Variants in CCDC77 observed in about 807,000 individuals in gnomAD.
The protein encoded by CCDC77 is coiled-coil domain containing 77, also known as coiled-coil domain-containing protein 77.
CCDC77 carries 56 observed loss-of-function variants against 66.8 expected under a neutral mutation model. The ratio of observed to expected loss-of-function variants is 0.84; its 90% CI spans 0.68 to 1.05. The LOEUF (loss-of-function observed/expected upper bound fraction) is 1.05. CCDC77 is among the 50% of genes least tolerant of loss of function. CCDC77 has a pLI of 0.00. For missense variants in CCDC77, 570 were observed against 576.8 expected (o/e 0.99, Z 0.12); for synonymous variants, 196 against 195.2 (o/e 1.00, Z -0.03).
In CCDC77 at chr12:411,854, T is replaced by C. The variant is rs535623107; in HGVS notation, c.146T>C (p.Leu49Pro). 6.2e-7 allele frequency: 1 copy of C among 1,614,060 alleles called. No homozygotes were observed. Among genetic ancestry groups the C allele is most frequent in the African/African-American group, 1.3e-5 (1 of 74,992 alleles). Residue 49 changes from leucine (L) to proline (P), a missense_variant, in exon 4 of 13, where the codon CTG (leucine) becomes CCG (proline). Leu to Pro is a moderately conservative substitution (Grantham distance 98). Coordinates refer to ENST00000239830, the MANE Select transcript of CCDC77 (RefSeq NM_032358.4). The stretch of plus-strand genomic sequence containing the variant: ...CCCTTGCCTTCCCCCGAAGATCGTC[T>C]GGCCAAACTCCATCCTTCTAAGGAG... ...STPLPSPEDR[L>P]AKLHPSKELL...
At chr12:418,739 G>A in intron 5 of CCDC77, 103 bp downstream of exon 5, 1 of 1,310,818 alleles carries the variant, frequency 7.6e-7, no homozygotes, top group Non-Finnish European at 1.1e-6. Context: ...TCACTCTATT[G>A]CCCAGGCTGG....
At chr12:412,116 C>T (rs887234467) in intron 4 of CCDC77, 138 bp downstream of exon 4, 3 of 675,034 alleles carry the variant, frequency 4.4e-6, no homozygotes, top group African/African-American at 3.6e-5. Context: ...AGCTATTGCC[C>T]CTTCAGGCCC....
intron 2 of CCDC77, 72 bp from the exon 3 acceptor site, chr12:409,296 C>T: frequency 1.0e-6 from 1 of 994,680 alleles, no homozygotes; most frequent in Non-Finnish European, 1.6e-6. Flanking sequence ...GAAGAGGGAA[C>T]CAGTCTAATC....
chr12:430,876 C>G (rs560554667), intron 7 of CCDC77, 140 bp downstream of exon 7: 2 of 646,292 alleles, frequency 3.1e-6, no homozygotes, highest in Admixed American at 2.1e-5. Flanking sequence ...GTCAGGAGTT[C>G]GAGACCAGCC....
chr12:398,492 T>C (rs190196750), upstream of CCDC77, among the ~76,000 whole-genome samples: 6 of 152,006 alleles, frequency 3.9e-5, no homozygotes, highest in East Asian at 1.2e-3. Context: ...CAGGCTGGAC[T>C]GCAGTGGCGC....
At chr12:431,212 C>CTTTTTTTTT (rs61068771) in intron 7 of CCDC77, among the ~76,000 whole-genome samples, 8 of 115,778 alleles carry the variant, frequency 6.9e-5, no homozygotes, top group Non-Finnish European at 9.7e-5. Context: ...TTGCTCAGTT[C>CTTTTTTTTT]TTTTTTTTTT....
intron 3 of CCDC77, 170 bp downstream of exon 3, chr12:409,591 A>C (rs1013797806): frequency 1.6e-6 from 1 of 628,682 alleles, no homozygotes; most frequent in Admixed American, 2.8e-5. Context: ...ATCATTGCTC[A>C]TTGCAGCCTT....
In CCDC77 at chr12:411,843, C is replaced by G. The variant is rs199830489; in HGVS notation, c.135C>G (p.Pro45=). 5 of 1,613,810 alleles carry G rather than the reference C, an allele frequency of 3.1e-6. No homozygotes were observed. Among genetic ancestry groups the G allele is most frequent in the African/African-American group, 1.3e-5 (1 of 74,820 alleles). Residue 45 remains proline (P), a synonymous_variant, in exon 4 of 13, where the codon CCC becomes CCG. Transcript: ENST00000239830. The part of the protein sequence containing the change: ...DSLESTPLPS[P]EDRLAKLHPS... Reference sequence around the variant, plus strand: ...TGGAGTCAACCCCCTTGCCTTCCCCCGAAGATCGTCTGGCCAAACTCCATC... The same window carrying G: ...TGGAGTCAACCCCCTTGCCTTCCCCGGAAGATCGTCTGGCCAAACTCCATC...
chr12:425,573 C>G (rs543599442), intron 5 of CCDC77, among the ~76,000 whole-genome samples: 1 of 152,046 alleles, frequency 6.6e-6, no homozygotes, highest in South Asian at 2.1e-4. Context: ...TCTCCAGAAC[C>G]TGAAGTCTCC....
intron 5 of CCDC77, chr12:418,941 C>T (rs754886151): frequency 3.6e-5 from 10 of 275,992 alleles, no homozygotes; most frequent in South Asian, 1.1e-4. Flanking sequence ...TCAAGTGATC[C>T]GCCCACCTCA....
intron 1 of CCDC77, among the ~76,000 whole-genome samples, chr12:394,728 G>A (rs1179167455): frequency 6.6e-6 from 1 of 152,110 alleles, no homozygotes; most frequent in African/African-American, 2.4e-5. Context: ...ATGACTCTTT[G>A]GCATTGTAAT....
chr12:392,953 ATT>A (rs1008114142), intron 1 of CCDC77, among the ~76,000 whole-genome samples: 4 of 151,704 alleles, frequency 2.6e-5, no homozygotes, highest in Non-Finnish European at 5.9e-5. Flanking sequence ...ATTGGTTTAC[ATT>A]TTTTGTACTT....
intron 1 of CCDC77, chr12:390,120 CAAAAAAAAAAAA>C (rs11330348): frequency 6.3e-4 from 46 of 73,410 alleles, no homozygotes; most frequent in African/African-American, 2.0e-3. Flanking sequence ...GTTGCCTGAG[CAAAAAAAAAAAA>C]AAAAAAAAAA....
chr12:434,353 CTTTT>C (rs537288173), intron 9 of CCDC77, among the ~76,000 whole-genome samples: 1 of 137,278 alleles, frequency 7.3e-6, no homozygotes, highest in Admixed American at 7.3e-5. Flanking sequence ...ACTTTTCTTT[CTTTT>C]TTTTTTTTTT....
chr12:390,957 T>C (rs540576411), intron 1 of CCDC77, among the ~76,000 whole-genome samples: 3 of 152,126 alleles, frequency 2.0e-5, no homozygotes, highest in African/African-American at 7.2e-5. Context: ...AAGATGAGAG[T>C]GGAAGCAAAG....
chr12:395,809 G>A (rs1011652927), intron 1 of CCDC77, among the ~76,000 whole-genome samples: 3 of 152,210 alleles, frequency 2.0e-5, no homozygotes, highest in East Asian at 1.9e-4. Context: ...CAAGAGAATC[G>A]CTTGAACTCA....
intron 9 of CCDC77, among the ~76,000 whole-genome samples, 186 bp from the exon 10 acceptor site, chr12:438,149 A>T (rs962715462): frequency 6.6e-6 from 1 of 152,226 alleles, no homozygotes; most frequent in South Asian, 2.1e-4. Flanking sequence ...GGGTAGATAC[A>T]TTATACTTTA....
rs1227353401 is a variant in CCDC77, at chr12:415,514, T to TG, written c.271-2980_271-2979insG. Among the ~76,000 whole-genome samples, 129 of 147,574 alleles carry TG rather than the reference T, an allele frequency of 8.7e-4. 7 individuals carry two copies. In the East Asian group the frequency reaches 0.023, roughly 27 times the overall value. On this transcript the variant is annotated intron_variant, in intron 4 of 12. Transcript: ENST00000239830. ...TAACATAATTATTAACATAATATGT[T>TG]AATATTAACATAATTATTAACATAA...
At chr12:439,728 C>A (rs138730649) in intron 10 of CCDC77, among the ~76,000 whole-genome samples, 1 of 151,040 alleles carries the variant, frequency 6.6e-6, no homozygotes, top group African/African-American at 2.4e-5. Context: ...TGCAGTGAGC[C>A]GAGATCGCGC....
Sources: gnomAD v4.1 joint callset for allele counts (sites outside exome capture counted in the v4.1 genomes callset) on GRCh38, gnomAD v4.1.1 for gene constraint, MANE v1.5 for transcripts, NCBI Gene and HGNC (gene_info 2026-07-23, HGNC 2026-07-21) for gene names.